The following C9orf85 variants were observed in gnomAD, a reference collection of about 807,000 sequenced individuals.
C9orf85 encodes uncharacterized protein C9orf85.
A neutral mutation model predicts 14.9 loss-of-function variants in C9orf85; 16 were observed. The observed-to-expected ratio is 1.08, with a 90% CI of 0.73 to 1.63. The LOEUF (loss-of-function observed/expected upper bound fraction) is 1.63. Ranked by LOEUF, C9orf85 falls within the 40% of genes most tolerant of loss-of-function variation. The pLI, the probability that C9orf85 is intolerant of heterozygous loss-of-function variation, is 0.00. For missense variants in C9orf85, 172 were observed against 186.1 expected (o/e 0.92, Z 0.44); for synonymous variants, 45 against 56.8 (o/e 0.79, Z 0.93).
At chr9:71,924,370 T>TAA (rs1827884180) in intron 1 of C9orf85, among the ~76,000 whole-genome samples, 1 of 152,124 alleles carries the variant, frequency 6.6e-6, no homozygotes. Flanking sequence ...TTCTAAAATG[T>TAA]TAACGCAAAT....
chr9:71,948,999 A>AT (rs1334492832), intron 2 of C9orf85, among the ~76,000 whole-genome samples: 1 of 152,244 alleles, frequency 6.6e-6, no homozygotes, highest in Non-Finnish European at 1.5e-5. Context: ...ATTTCCATGA[A>AT]TGAATTGTGT....
intron 1 of C9orf85, among the ~76,000 whole-genome samples, chr9:71,945,180 G>A (rs1172662507): frequency 6.6e-6 from 1 of 152,246 alleles, no homozygotes; most frequent in African/African-American, 2.4e-5. Flanking sequence ...AAGTCATTCA[G>A]TTAAGGAAAT....
chr9:71,931,195 G>A (rs1330797856), intron 1 of C9orf85, among the ~76,000 whole-genome samples: 1 of 152,184 alleles, frequency 6.6e-6, no homozygotes, highest in African/African-American at 2.4e-5. Context: ...AATTACATCT[G>A]GGGGTGATGC....
intron 1 of C9orf85, among the ~76,000 whole-genome samples, chr9:71,943,007 T>G (rs1046347691): frequency 3.9e-5 from 6 of 152,242 alleles, no homozygotes; most frequent in African/African-American, 1.4e-4. Flanking sequence ...TTTTATCCTC[T>G]AGCCAAATTT....
chr9:71,913,501 G>A (rs1827569335), intron 1 of C9orf85, among the ~76,000 whole-genome samples: 1 of 152,096 alleles, frequency 6.6e-6, no homozygotes. Context: ...TAAATTAAGT[G>A]CTCTCCTTTC....
At chr9:71,963,776 C>T (rs1282139169) in intron 2 of C9orf85, among the ~76,000 whole-genome samples, 3 of 152,204 alleles carry the variant, frequency 2.0e-5, no homozygotes, top group Admixed American at 6.5e-5. Flanking sequence ...TGCCTTCCTG[C>T]GGGGCAGAGC....
chr9:71,959,782 G>T (rs776863843), intron 2 of C9orf85, among the ~76,000 whole-genome samples: 1 of 152,122 alleles, frequency 6.6e-6, no homozygotes, highest in Non-Finnish European at 1.5e-5. Flanking sequence ...TTCACGTGTT[G>T]TATTAAGAAC....
chr9:71,968,312 A>G (rs1156355943), intron 2 of C9orf85, among the ~76,000 whole-genome samples: 1 of 151,482 alleles, frequency 6.6e-6, no homozygotes, highest in African/African-American at 2.4e-5. Flanking sequence ...GAGTTGAAAA[A>G]TATTTCTTCC....
At chr9:71,915,183 AT>A (rs33998724) in intron 1 of C9orf85, among the ~76,000 whole-genome samples, 19,228 of 142,576 alleles carry the variant, frequency 0.13, 1,385 homozygotes, top group African/African-American at 0.17. Flanking sequence ...TATTATTATT[AT>A]TTTTTTTTTT....
At chr9:71,946,243 C>G (rs1822082911) in intron 1 of C9orf85, among the ~76,000 whole-genome samples, 1 of 152,134 alleles carries the variant, frequency 6.6e-6, no homozygotes, top group African/African-American at 2.4e-5. Flanking sequence ...CCCTGGCACC[C>G]CTTCCTCAAA....
intron 2 of C9orf85, among the ~76,000 whole-genome samples, chr9:71,953,525 G>C (rs1289883641): frequency 1.3e-5 from 2 of 152,134 alleles, no homozygotes; most frequent in Non-Finnish European, 2.9e-5. Context: ...CATGTCATGA[G>C]GATGCTTTAT....
intron 1 of C9orf85, among the ~76,000 whole-genome samples, chr9:71,935,761 T>A (rs1335039680): frequency 6.6e-6 from 1 of 152,138 alleles, no homozygotes; most frequent in Non-Finnish European, 1.5e-5. Flanking sequence ...GAGAGTTATG[T>A]GTTTCAGATT....
At chr9:71,971,997 A>G (rs539331162) in intron 3 of C9orf85, among the ~76,000 whole-genome samples, 2 of 149,944 alleles carry the variant, frequency 1.3e-5, no homozygotes, top group Non-Finnish European at 3.0e-5. Context: ...AAAAAAAAAG[A>G]GATGATCCGT....
intron 1 of C9orf85, among the ~76,000 whole-genome samples, chr9:71,916,018 A>G (rs1006566728): frequency 5.3e-5 from 8 of 152,208 alleles, no homozygotes; most frequent in Non-Finnish European, 1.0e-4. Context: ...TATAGGGTTG[A>G]GCAAAATATA....
At chr9:71,957,135 A>G (rs1822400343) in intron 2 of C9orf85, among the ~76,000 whole-genome samples, 1 of 152,100 alleles carries the variant, frequency 6.6e-6, no homozygotes, top group South Asian at 2.1e-4. Flanking sequence ...CTATAGTTTT[A>G]TGTTTACCAC....
At chr9:71,978,843 G>A (rs1823049074) in intron 3 of C9orf85, among the ~76,000 whole-genome samples, 1 of 152,144 alleles carries the variant, frequency 6.6e-6, no homozygotes, top group Non-Finnish European at 1.5e-5. Context: ...AGACCTTCCT[G>A]GCCAACATGG....
intron 2 of C9orf85, among the ~76,000 whole-genome samples, chr9:71,971,074 T>C (rs1174786419): frequency 1.3e-5 from 2 of 152,204 alleles, no homozygotes; most frequent in Non-Finnish European, 2.9e-5. Context: ...AGTCTTTTCA[T>C]ATAAAATATG....
At chr9:71,979,002 T>A (rs1479079172) in intron 3 of C9orf85, among the ~76,000 whole-genome samples, 1 of 152,176 alleles carries the variant, frequency 6.6e-6, no homozygotes, top group Non-Finnish European at 1.5e-5. Flanking sequence ...ATCGCTGCAC[T>A]CCAGCCTGGC....
At chr9:71,963,041 A>G in intron 2 of C9orf85, among the ~76,000 whole-genome samples, 1 of 152,162 alleles carries the variant, frequency 6.6e-6, no homozygotes, top group Non-Finnish European at 1.5e-5. Flanking sequence ...GGGGGACAAG[A>G]GTGAAACTCC....
Sources: gnomAD v4.1 joint callset for allele counts (sites outside exome capture counted in the v4.1 genomes callset) on GRCh38, gnomAD v4.1.1 for gene constraint, MANE v1.5 for transcripts, NCBI Gene and HGNC (gene_info 2026-07-23, HGNC 2026-07-21) for gene names.